Variants in PPP3CA observed in about 807,000 individuals in gnomAD.
PPP3CA encodes protein phosphatase 3 catalytic subunit alpha, also known as CAM-PRP catalytic subunit.
Under a neutral mutation model 66.5 loss-of-function variants are expected in PPP3CA, and 14 were observed. The observed-to-expected ratio is 0.21, with a 90% CI of 0.14 to 0.33. The LOEUF is 0.33. Among genes scored for constraint, PPP3CA ranks in the 10% least tolerant of loss-of-function variants. The pLI, the probability that PPP3CA is intolerant of heterozygous loss-of-function variation, is 1.00. For missense variants in PPP3CA, 317 were observed against 639.5 expected (o/e 0.50, Z 5.44); for synonymous variants, 232 against 226.2 (o/e 1.03, Z -0.23).
chr4:101,028,526 G>T (rs1726774514), intron 13 of PPP3CA, among the ~76,000 whole-genome samples: 1 of 152,048 alleles, frequency 6.6e-6, no homozygotes, highest in South Asian at 2.1e-4. Flanking sequence ...CGCTATTCTT[G>T]TTATCGGCCA....
intron 5 of PPP3CA, among the ~76,000 whole-genome samples, chr4:101,096,718 G>A (rs1166146642): frequency 6.6e-6 from 1 of 152,060 alleles, no homozygotes; most frequent in Non-Finnish European, 1.5e-5. Flanking sequence ...ATACTTATTT[G>A]TAATTTGACT....
At chr4:101,242,977 T>C (rs1443906813) in intron 1 of PPP3CA, among the ~76,000 whole-genome samples, 2 of 152,054 alleles carry the variant, frequency 1.3e-5, no homozygotes, top group Non-Finnish European at 2.9e-5. Flanking sequence ...AAACCACTAA[T>C]ATGGCAGTAG....
intron 7 of PPP3CA, among the ~76,000 whole-genome samples, chr4:101,081,762 T>C (rs2110239941): frequency 6.6e-6 from 1 of 152,276 alleles, no homozygotes; most frequent in South Asian, 2.1e-4. Flanking sequence ...TTGGTCATAC[T>C]ATAAAAGAAA....
intron 2 of PPP3CA, among the ~76,000 whole-genome samples, chr4:101,184,014 A>C (rs1031225130): frequency 6.6e-6 from 1 of 152,154 alleles, no homozygotes; most frequent in East Asian, 1.9e-4. Context: ...CAATTATGGG[A>C]AGACAAAAGT....
intron 1 of PPP3CA, among the ~76,000 whole-genome samples, chr4:101,265,972 A>T (rs1043221880): frequency 1.4e-4 from 21 of 152,158 alleles, no homozygotes; most frequent in Non-Finnish European, 2.6e-4. Context: ...ATACAGAGGG[A>T]TTATGGAATT....
chr4:101,245,092 T>A (rs1726436141), intron 1 of PPP3CA, among the ~76,000 whole-genome samples: 1 of 152,136 alleles, frequency 6.6e-6, no homozygotes, highest in Non-Finnish European at 1.5e-5. Context: ...CCGAATAGAT[T>A]TTTTTTAATG....
At chr4:101,247,804 T>A (rs1578591961) in intron 1 of PPP3CA, among the ~76,000 whole-genome samples, 1 of 152,110 alleles carries the variant, frequency 6.6e-6, no homozygotes, top group African/African-American at 2.4e-5. Flanking sequence ...AACAAAATAG[T>A]AGCAGCAAAC....
chr4:101,345,127 G>T (rs564802352), intron 1 of PPP3CA, among the ~76,000 whole-genome samples: 1 of 152,252 alleles, frequency 6.6e-6, no homozygotes, highest in East Asian at 1.9e-4. Context: ...TTTTTGCAGA[G>T]CTATTTCCTC....
At chr4:101,203,427 G>A (rs915949151) in intron 1 of PPP3CA, among the ~76,000 whole-genome samples, 5 of 151,982 alleles carry the variant, frequency 3.3e-5, no homozygotes, top group African/African-American at 7.3e-5. Flanking sequence ...CCCGGGAGGC[G>A]GAGGCTGCAG....
intron 10 of PPP3CA, among the ~76,000 whole-genome samples, chr4:101,051,597 C>T (rs778941344): frequency 6.6e-6 from 1 of 152,080 alleles, no homozygotes; most frequent in Non-Finnish European, 1.5e-5. Flanking sequence ...TTATCTCAAC[C>T]CTGTTTGCGA....
intron 1 of PPP3CA, among the ~76,000 whole-genome samples, chr4:101,197,167 C>T (rs1271423654): frequency 6.6e-6 from 1 of 152,178 alleles, no homozygotes; most frequent in Non-Finnish European, 1.5e-5. Flanking sequence ...CTGGATGACT[C>T]CTCTCTCAGG....
intron 1 of PPP3CA, among the ~76,000 whole-genome samples, chr4:101,237,448 A>G (rs924538077): frequency 6.6e-6 from 1 of 152,040 alleles, no homozygotes; most frequent in Non-Finnish European, 1.5e-5. Flanking sequence ...ATTATACACG[A>G]TCAACTTATA....
At chr4:101,043,881 A>G (rs1436181610) in intron 10 of PPP3CA, among the ~76,000 whole-genome samples, 1 of 152,224 alleles carries the variant, frequency 6.6e-6, no homozygotes, top group Non-Finnish European at 1.5e-5. Flanking sequence ...ATGTCAAAAA[A>G]AAAAATTTCT....
At chr4:101,315,777 C>T (rs756480407) in intron 1 of PPP3CA, among the ~76,000 whole-genome samples, 5 of 152,184 alleles carry the variant, frequency 3.3e-5, no homozygotes, top group Non-Finnish European at 5.9e-5. Flanking sequence ...TCCATGCAGG[C>T]ATGTCCCAGG....
intron 1 of PPP3CA, among the ~76,000 whole-genome samples, chr4:101,249,033 G>A (rs942695314): frequency 3.3e-5 from 5 of 151,568 alleles, no homozygotes; most frequent in Admixed American, 6.6e-5. Context: ...GGTGGCGGGC[G>A]CCTGTAGTCC....
chr4:101,153,162 G>T (rs17030815), intron 2 of PPP3CA, among the ~76,000 whole-genome samples: 9,016 of 152,214 alleles, frequency 0.059, 458 homozygotes, highest in Non-Finnish European at 0.081. Flanking sequence ...CTATCCAAAG[G>T]GCAAAGAGAT....
chr4:101,081,764 T>C (rs1729449259), intron 7 of PPP3CA, among the ~76,000 whole-genome samples: 1 of 152,138 alleles, frequency 6.6e-6, no homozygotes, highest in South Asian at 2.1e-4. Context: ...GGTCATACTA[T>C]AAAAGAAAAT....
Position 101,310,948 on chromosome 4 carries a change from T to C in PPP3CA, c.58+35791A>G, listed in dbSNP as rs183266500. 5.4e-3 allele frequency among the ~76,000 whole-genome samples: 815 copies of C among 152,312 alleles called. 9 individuals are homozygous for C. Among genetic ancestry groups the C allele is most frequent in the Middle Eastern group, 0.031 (9 of 294 alleles). On this transcript the variant is annotated intron_variant, in intron 1 of 13. Transcript: ENST00000394854. The stretch of plus-strand genomic sequence containing the variant: ...AAAATGTAATTAATATTGAATGGAA[T>C]GGTGAAAAATATTAACACATTTTTG...
At chr4:101,186,406 C>G (rs1360159009) in intron 2 of PPP3CA, among the ~76,000 whole-genome samples, 1 of 152,010 alleles carries the variant, frequency 6.6e-6, no homozygotes, top group African/African-American at 2.4e-5. Context: ...GTTAAAAAGT[C>G]AATTACCCAA....
Sources: allele counts gnomAD v4.1 joint callset (sites outside exome capture counted in the v4.1 genomes callset), GRCh38; gene constraint gnomAD v4.1.1; transcripts MANE v1.5; gene names NCBI Gene and HGNC (gene_info 2026-07-23, HGNC 2026-07-21).